Variants in PCDHA7 observed in about 807,000 individuals in gnomAD.
PCDHA7 encodes protocadherin alpha 7.
PCDHA7 carries 37 observed loss-of-function variants against 57.2 expected under a neutral mutation model. The observed-to-expected ratio is 0.65, with a 90% CI of 0.50 to 0.85. PCDHA7 has a LOEUF of 0.85. Ranked by LOEUF, PCDHA7 falls within the 40% of genes least tolerant of loss-of-function variation. The pLI, the probability that PCDHA7 is intolerant of heterozygous loss-of-function variation, is 0.00. For missense variants in PCDHA7, 1,188 were observed against 1,241.8 expected (o/e 0.96, Z 0.65); for synonymous variants, 553 against 558.8 (o/e 0.99, Z 0.15).
intron 3 of PCDHA7, among the ~76,000 whole-genome samples, chr5:141,000,587 C>A (rs181671847): frequency 0.01 from 1,575 of 150,790 alleles, 20 homozygotes; most frequent in Non-Finnish European, 0.016. Context: ...GCCACCATGC[C>A]CAGCTAATTT....
In PCDHA7 at chr5:140,869,025, C is replaced by A. The variant is rs1424812323; in HGVS notation, c.2355+32287C>A. 7 of 1,525,592 alleles carry A rather than the reference C, an allele frequency of 4.6e-6. No homozygotes were observed. In the East Asian group the frequency reaches 1.4e-4, roughly 30 times the overall value. The allele number at this position is 1,525,592 out of a possible 1,614,324, so 94.5% of individuals were successfully genotyped here. ...CCTTTGAAACTTCTTAAGAATTCAA[C>A]GAGATTTTTAACCTGAAACTGAAGA... On this transcript the variant is annotated intron_variant, in intron 1 of 3. Transcript: ENST00000525929.
rs549678873 is a variant in PCDHA7, at chr5:140,877,710, G to GA, written c.2355+40973dup. ...CGCTGGTGTGCTCCAGCGCCGTGGG[G>GA]AGTTGGTCTTACTCGCAGCAGAGGA... is the stretch of plus-strand genomic sequence containing the variant. On this transcript the variant is annotated intron_variant, in intron 1 of 3. Transcript: ENST00000525929. 3.7e-5 allele frequency: 60 copies of GA among 1,614,098 alleles called. 1 individual carries two copies. The Admixed American group carries it at 8.2e-4, about 22-fold the overall frequency.
chr5:141,005,714 A>AAG (rs2098233543), intron 3 of PCDHA7, among the ~76,000 whole-genome samples: 1 of 148,328 alleles, frequency 6.7e-6, no homozygotes, highest in Non-Finnish European at 1.5e-5. Flanking sequence ...AAAAAAAAAA[A>AAG]AAAAAAAAAA....
chr5:141,008,439 G>A (rs2098377388), intron 3 of PCDHA7, among the ~76,000 whole-genome samples: 1 of 152,128 alleles, frequency 6.6e-6, no homozygotes, highest in African/African-American at 2.4e-5. Context: ...TGCCCAGACA[G>A]ACCATTACCC....
chr5:140,928,000 G>C, intron 1 of PCDHA7: 1 of 1,614,166 alleles, frequency 6.2e-7, no homozygotes. Flanking sequence ...TGAAGACCTC[G>C]ATTCTAATGG....
At chr5:140,870,900 C>T in intron 1 of PCDHA7, 1 of 1,613,956 alleles carries the variant, frequency 6.2e-7, no homozygotes, top group Non-Finnish European at 8.5e-7. Flanking sequence ...TGGATGCGGA[C>T]TCAGGCTACA....
chr5:140,966,929 G>A (rs944732818), intron 1 of PCDHA7: 2 of 1,603,460 alleles, frequency 1.2e-6, no homozygotes, highest in African/African-American at 1.3e-5. Flanking sequence ...GCAGGCACCC[G>A]GCGCGCTCGT....
intron 1 of PCDHA7, among the ~76,000 whole-genome samples, chr5:140,874,947 T>C (rs2055188699): frequency 6.6e-6 from 1 of 152,240 alleles, no homozygotes; most frequent in African/African-American, 2.4e-5. Flanking sequence ...AACAGCGGAA[T>C]TGTAAGCTAT....
intron 1 of PCDHA7, chr5:140,866,007 T>A (rs568957330): frequency 6.6e-6 from 1 of 152,272 alleles, no homozygotes; most frequent in East Asian, 1.9e-4. Context: ...TGTTAAGTGA[T>A]TTTTTTCTTG....
In PCDHA7 at chr5:140,849,843, G is replaced by A. The variant is rs2150453087; in HGVS notation, c.2355+13105G>A. 8 of 1,598,500 alleles carry A rather than the reference G, an allele frequency of 5.0e-6. 1 individual carries two copies. The highest frequency in any genetic ancestry group is 3.3e-5 in the South Asian group (3 of 90,550). On this transcript the variant is annotated intron_variant, in intron 1 of 3. Transcript: ENST00000525929. Reference sequence around the variant, plus strand: ...GTCTGTGGAGGTGGCCGACGTGAACGACAACGCACCAGCGTTCGCGCAGTC... The same window carrying A: ...GTCTGTGGAGGTGGCCGACGTGAACAACAACGCACCAGCGTTCGCGCAGTC...
rs367685277 is a variant in PCDHA7 at position 140,871,336 on chromosome 5, G to A, written c.2355+34598G>A. 5.0e-6 allele frequency: 8 copies of A among 1,614,062 alleles called. No homozygotes were observed. The African/African-American group carries it at 9.3e-5, about 19-fold the overall frequency. On this transcript the variant is annotated intron_variant, in intron 1 of 3. Transcript: ENST00000525929. ...CACGCTGGTGTGCTCCCGCGCGGTG[G>A]GGAGCTGGTCATACTCGCAGCAGAG...
chr5:140,871,287 G>C (rs782751803), intron 1 of PCDHA7: 2 of 1,613,932 alleles, frequency 1.2e-6, no homozygotes, highest in Middle Eastern at 1.7e-4. Context: ...CGCCCACTGA[G>C]GGCGCGTGCG....
intron 1 of PCDHA7, chr5:140,850,875 G>T: frequency 6.3e-7 from 1 of 1,590,472 alleles, no homozygotes; most frequent in Non-Finnish European, 8.6e-7. Flanking sequence ...TGCTTCCTCA[G>T]ATTCAACTGG....
At chr5:140,851,190 G>T in intron 1 of PCDHA7, 1 of 1,221,164 alleles carries the variant, frequency 8.2e-7, no homozygotes, top group Non-Finnish European at 1.1e-6. Flanking sequence ...AACCAATTTA[G>T]TTGTTAGTCA....
At chr5:140,877,992 A>G (rs572306139) in intron 1 of PCDHA7, 7 of 1,096,526 alleles carry the variant, frequency 6.4e-6, no homozygotes, top group Non-Finnish European at 8.6e-6. Flanking sequence ...TTGAACTTTT[A>G]TGTATTTGTC....
intron 1 of PCDHA7, among the ~76,000 whole-genome samples, chr5:140,949,595 G>A (rs1342869045): frequency 1.3e-5 from 2 of 151,566 alleles, no homozygotes; most frequent in Admixed American, 6.6e-5. Context: ...TATTAATGTG[G>A]CCATTCTAGT....
chr5:140,881,669 T>C (rs1030695213), intron 1 of PCDHA7, among the ~76,000 whole-genome samples: 17 of 152,248 alleles, frequency 1.1e-4, no homozygotes, highest in African/African-American at 4.1e-4. Context: ...TTTATTCTTA[T>C]GTGATTGTTA....
intron 1 of PCDHA7, among the ~76,000 whole-genome samples, chr5:140,906,517 TACTC>T (rs2072719927): frequency 2.0e-5 from 3 of 152,358 alleles, no homozygotes; most frequent in Admixed American, 6.5e-5. Context: ...AAGGAGGAAA[TACTC>T]ACGACAATTA....
intron 1 of PCDHA7, among the ~76,000 whole-genome samples, chr5:140,908,047 C>T (rs976734426): frequency 4.6e-5 from 7 of 152,208 alleles, no homozygotes; most frequent in African/African-American, 1.7e-4. Context: ...AATTGCACAT[C>T]CGGCCATTTC....
Sources: gnomAD v4.1 joint callset for allele counts (sites outside exome capture counted in the v4.1 genomes callset) on GRCh38, gnomAD v4.1.1 for gene constraint, MANE v1.5 for transcripts, NCBI Gene and HGNC (gene_info 2026-07-23, HGNC 2026-07-21) for gene names.